The following ARHGAP15 variants were observed in gnomAD, a reference collection of about 807,000 sequenced individuals.
ARHGAP15 encodes the protein Rho GTPase activating protein 15.
ARHGAP15 carries 51 observed loss-of-function variants against 63.7 expected under a neutral mutation model. The ratio of observed to expected loss-of-function variants is 0.80; its 90% confidence interval spans 0.64 to 1.01. The LOEUF (loss-of-function observed/expected upper bound fraction) is 1.01. Ranked by LOEUF, ARHGAP15 falls within the 50% of genes least tolerant of loss-of-function variation. ARHGAP15 has a pLI of 0.00. For synonymous variants in ARHGAP15, 191 were observed against 193.8 expected, an observed-to-expected ratio of 0.99 and a Z score of 0.12; for missense variants, 560 against 564.6, an observed-to-expected ratio of 0.99 and a Z score of 0.08.
intron 6 of ARHGAP15, among the ~76,000 whole-genome samples, chr2:143,407,987 GTATATATATATATATATATATATA>G (rs58194704): frequency 0.036 from 2,809 of 77,552 alleles, 157 homozygotes; most frequent in South Asian, 0.16. Flanking sequence ...TTCTGTGTGT[GTATATATATATATATATATATATA>G]TATATATATA....
intron 6 of ARHGAP15, among the ~76,000 whole-genome samples, chr2:143,346,230 T>TCTCTCTCACACA (rs1191739327): frequency 9.5e-4 from 40 of 42,108 alleles, no homozygotes; most frequent in Middle Eastern, 0.012. Context: ...TCACACACAC[T>TCTCTCTCACACA]CTCTCTCACA....
At chr2:143,678,825 T>C (rs1001085539) in intron 12 of ARHGAP15, among the ~76,000 whole-genome samples, 1 of 152,220 alleles carries the variant, frequency 6.6e-6, no homozygotes, top group Non-Finnish European at 1.5e-5. Context: ...TTCAGTAGTA[T>C]CGATGTTAAT....
At chr2:143,647,212 G>A (rs551845434) in intron 12 of ARHGAP15, among the ~76,000 whole-genome samples, 1 of 151,804 alleles carries the variant, frequency 6.6e-6, no homozygotes, top group Non-Finnish European at 1.5e-5. Flanking sequence ...ACATGTGGTG[G>A]GTATGAGTGG....
intron 6 of ARHGAP15, among the ~76,000 whole-genome samples, chr2:143,418,314 C>A (rs1261051172): frequency 1.3e-5 from 2 of 152,196 alleles, no homozygotes; most frequent in Non-Finnish European, 2.9e-5. Context: ...TTTGCTGAGA[C>A]ACCTGTTGTC....
intron 6 of ARHGAP15, among the ~76,000 whole-genome samples, chr2:143,317,204 A>T (rs1381323386): frequency 7.2e-6 from 1 of 138,472 alleles, no homozygotes; most frequent in Non-Finnish European, 1.7e-5. Flanking sequence ...CTTGTCCCCC[A>T]GTGCCTATAA....
intron 1 of ARHGAP15, among the ~76,000 whole-genome samples, chr2:143,151,607 A>C (rs1689824619): frequency 6.6e-6 from 1 of 152,078 alleles, no homozygotes; most frequent in African/African-American, 2.4e-5. Flanking sequence ...GGATGATGGA[A>C]ATTTTTATAA....
intron 8 of ARHGAP15, among the ~76,000 whole-genome samples, chr2:143,467,433 T>G (rs1691282761): frequency 6.6e-6 from 1 of 151,944 alleles, no homozygotes; most frequent in Admixed American, 6.6e-5. Flanking sequence ...TTCCAGAAAA[T>G]TAAAATGCAT....
At chr2:143,561,606 C>G (rs1696028906) in intron 11 of ARHGAP15, among the ~76,000 whole-genome samples, 1 of 149,598 alleles carries the variant, frequency 6.7e-6, no homozygotes, top group South Asian at 2.1e-4. Context: ...ACCTCCACCT[C>G]CCGGGTTCAA....
At chr2:143,176,133 A>G (rs185680394) in intron 2 of ARHGAP15, among the ~76,000 whole-genome samples, 1 of 152,152 alleles carries the variant, frequency 6.6e-6, no homozygotes, top group African/African-American at 2.4e-5. Context: ...TGAGGAAGAG[A>G]GATGACTTAA....
At chr2:143,223,588 G>T (rs191611448) in intron 4 of ARHGAP15, among the ~76,000 whole-genome samples, 228 of 152,300 alleles carry the variant, frequency 1.5e-3, no homozygotes, top group African/African-American at 5.3e-3. Context: ...CATGATAGGG[G>T]TGGAAGACAG....
chr2:143,753,200 A>G (rs1283891149), intron 13 of ARHGAP15, among the ~76,000 whole-genome samples: 1 of 152,214 alleles, frequency 6.6e-6, no homozygotes, highest in African/African-American at 2.4e-5. Context: ...TCCTTGAGCA[A>G]GGAGGCTTAT....
At chr2:143,575,076 G>T (rs956843261) in intron 11 of ARHGAP15, among the ~76,000 whole-genome samples, 1 of 151,918 alleles carries the variant, frequency 6.6e-6, no homozygotes, top group Non-Finnish European at 1.5e-5. Context: ...ATACCAACTC[G>T]CAAATCACAT....
intron 6 of ARHGAP15, among the ~76,000 whole-genome samples, chr2:143,334,828 A>G (rs1010449452): frequency 1.3e-5 from 2 of 152,226 alleles, no homozygotes; most frequent in Non-Finnish European, 2.9e-5. Flanking sequence ...GTGGTGGCTC[A>G]TGCCTGTGAC....
intron 12 of ARHGAP15, among the ~76,000 whole-genome samples, chr2:143,675,631 T>C (rs1682787649): frequency 6.6e-6 from 1 of 152,182 alleles, no homozygotes; most frequent in South Asian, 2.1e-4. Context: ...GGTAATACAT[T>C]GACAGTGATC....
At position 143,252,295 on chromosome 2, in the gene ARHGAP15, A is replaced by G. The variant is rs544994854; in HGVS notation, c.474+1695A>G. 5.3e-5 allele frequency among the ~76,000 whole-genome samples: 8 copies of G among 152,170 alleles called. No individual in the cohort carries two copies. In the South Asian group the frequency reaches 1.4e-3, roughly 28 times the overall value. On this transcript the variant is annotated intron_variant, in intron 6 of 13. Coordinates refer to ENST00000295095, the MANE Select transcript of ARHGAP15 (RefSeq NM_018460.4). ...AACTATGAACATTATATGCACAGATAGACATTTCAGCCACCTATATTGACA... is the reference window on the plus strand; with the variant it reads ...AACTATGAACATTATATGCACAGATGGACATTTCAGCCACCTATATTGACA...
intron 6 of ARHGAP15, among the ~76,000 whole-genome samples, chr2:143,370,572 A>G (rs1025153536): frequency 1.3e-5 from 2 of 152,192 alleles, no homozygotes; most frequent in South Asian, 2.1e-4. Flanking sequence ...GTAATTATTT[A>G]ATATATATTT....
At chr2:143,415,221 T>C (rs910818153) in intron 6 of ARHGAP15, among the ~76,000 whole-genome samples, 1 of 151,862 alleles carries the variant, frequency 6.6e-6, no homozygotes, top group African/African-American at 2.4e-5. Context: ...GGAAAAAAAA[T>C]TGATAAAATT....
intron 13 of ARHGAP15, among the ~76,000 whole-genome samples, chr2:143,745,760 G>C (rs116137947): frequency 6.6e-6 from 1 of 152,182 alleles, no homozygotes; most frequent in Non-Finnish European, 1.5e-5. Flanking sequence ...GGAAGGAAAA[G>C]GTGTTTAAAA....
At chr2:143,618,141 C>T (rs754801806) in intron 11 of ARHGAP15, among the ~76,000 whole-genome samples, 3 of 152,160 alleles carry the variant, frequency 2.0e-5, no homozygotes, top group African/African-American at 7.2e-5. Context: ...AGAAATCAGA[C>T]CAAACCATCA....
Sources: gnomAD v4.1 joint callset for allele counts (sites outside exome capture counted in the v4.1 genomes callset) on GRCh38, gnomAD v4.1.1 for gene constraint, MANE v1.5 for transcripts, NCBI Gene and HGNC (gene_info 2026-07-23, HGNC 2026-07-21) for gene names.